Variants in NMBR observed in about 807,000 individuals in gnomAD.
NMBR encodes the protein neuromedin B receptor, also known as neuromedin-B receptor.
NMBR carries 16 observed loss-of-function variants against 20.5 expected under a neutral mutation model. The observed-to-expected ratio is 0.78, with a 90% CI of 0.53 to 1.19. The LOEUF (loss-of-function observed/expected upper bound fraction) is 1.19, where lower values mean the gene tolerates loss of function less well. NMBR is among the 50% of genes most tolerant of loss of function. The probability of loss-of-function intolerance (pLI) is 0.00; values close to 1 mark genes in which losing one functional copy is unlikely to be tolerated. For missense variants in NMBR, 582 were observed against 499.1 expected (o/e 1.17, Z -1.58); for synonymous variants, 212 against 196.6 (o/e 1.08, Z -0.65).
chr6:142,093,094 G>A (rs934154099), intron 1 of NMBR, among the ~76,000 whole-genome samples: 1 of 151,814 alleles, frequency 6.6e-6, no homozygotes, highest in Non-Finnish European at 1.5e-5. Flanking sequence ...GGATTAAAAT[G>A]GTAAAACTAG....
At chr6:142,146,825 A>C (rs936124523) in intron 1 of NMBR, among the ~76,000 whole-genome samples, 23 of 152,340 alleles carry the variant, frequency 1.5e-4, no homozygotes, top group Admixed American at 3.3e-4. Context: ...AGTTTCTAAA[A>C]TCAAAAAGGC....
chr6:142,090,943 A>G (rs899074403), intron 1 of NMBR, among the ~76,000 whole-genome samples: 1 of 152,144 alleles, frequency 6.6e-6, no homozygotes, highest in Non-Finnish European at 1.5e-5. Context: ...AGCTGGATTA[A>G]TAAATATCCA....
At chr6:142,103,353 T>G (rs1452194687) in intron 1 of NMBR, among the ~76,000 whole-genome samples, 1 of 152,172 alleles carries the variant, frequency 6.6e-6, no homozygotes, top group Non-Finnish European at 1.5e-5. Flanking sequence ...AAATTACAAT[T>G]GAATGAAATC....
At chr6:142,135,959 T>G (rs1427424481) in intron 1 of NMBR, among the ~76,000 whole-genome samples, 1 of 152,022 alleles carries the variant, frequency 6.6e-6, no homozygotes, top group African/African-American at 2.4e-5. Context: ...TAAACATACG[T>G]GTGCATGTGT....
chr6:142,121,485 G>T (rs1382104763), intron 1 of NMBR, among the ~76,000 whole-genome samples: 1 of 151,946 alleles, frequency 6.6e-6, no homozygotes, highest in African/African-American at 2.4e-5. Flanking sequence ...AATTAAAAGT[G>T]CTACTCCGAT....
chr6:142,105,129 T>G, intron 1 of NMBR, among the ~76,000 whole-genome samples: 1 of 149,244 alleles, frequency 6.7e-6, no homozygotes. Context: ...ACAAAGTACA[T>G]TATCGAAAGG....
chr6:142,109,900 G>GCC (rs1777730151), intron 1 of NMBR, among the ~76,000 whole-genome samples: 3 of 152,092 alleles, frequency 2.0e-5, no homozygotes, highest in African/African-American at 7.2e-5. Flanking sequence ...ACCATATATA[G>GCC]ATATGAGCCT....
intron 1 of NMBR, among the ~76,000 whole-genome samples, chr6:142,126,740 G>A (rs1160149277): frequency 7.7e-6 from 1 of 129,772 alleles, no homozygotes; most frequent in Non-Finnish European, 1.6e-5. Flanking sequence ...CCATTTTTGA[G>A]TCAGGTTATT....
At position 142,147,095 on chromosome 6, in the gene NMBR, C is replaced by T. The variant is rs755316544; in HGVS notation, c.-715G>A. 7 of 593,930 alleles carry T rather than the reference C, an allele frequency of 1.2e-5. No individual in the cohort carries two copies. Among genetic ancestry groups the T allele is most frequent in the Non-Finnish European group, 2.1e-5 (7 of 333,730 alleles). The allele number at this position is 593,930 out of a possible 1,614,324, so 36.8% of individuals were successfully genotyped here. ...GGCATAAGCGCCAAAATGCTCGGGT[C>T]TTCTGTGGGTTCTAACCGCCGAGAG... On this transcript the variant is annotated 5_prime_UTR_variant, in exon 1 of 4. Coordinates refer to ENST00000258042, the MANE Select transcript of NMBR (RefSeq NM_002511.4).
intron 1 of NMBR, among the ~76,000 whole-genome samples, chr6:142,096,691 C>A (rs1223719216): frequency 6.6e-6 from 1 of 152,072 alleles, no homozygotes; most frequent in Admixed American, 6.6e-5. Flanking sequence ...ATTAGGTCTG[C>A]TTGGTGCAGA....
chr6:142,109,748 G>A (rs1777726834), intron 1 of NMBR, among the ~76,000 whole-genome samples: 1 of 152,152 alleles, frequency 6.6e-6, no homozygotes, highest in East Asian at 1.9e-4. Context: ...ATTCCTAGGG[G>A]TATTGTATTA....
At chr6:142,130,715 C>A (rs1778123559) in intron 1 of NMBR, among the ~76,000 whole-genome samples, 1 of 151,980 alleles carries the variant, frequency 6.6e-6, no homozygotes, top group Non-Finnish European at 1.5e-5. Flanking sequence ...TTTTTTCTAG[C>A]AAGAAGCAGT....
At chr6:142,134,652 T>G in intron 1 of NMBR, 1 of 695,940 alleles carries the variant, frequency 1.4e-6, no homozygotes, top group Non-Finnish European at 2.6e-6. Flanking sequence ...CTATAATTTA[T>G]ATACTCTCTG....
In NMBR at chr6:142,078,598, G is replaced by A; in HGVS notation, c.728C>T (p.Ala243Val). ...ATTGTATTCTCCAGGAAGATTGTGTGCGCTTTTAATTAAGGTCTTTGCAAT... is the reference window on the plus strand; with the variant it reads ...ATTGTATTCTCCAGGAAGATTGTGTACGCTTTTAATTAAGGTCTTTGCAAT... ...YHIAKTLIKS[A>V]HNLPGEYNEH... The change falls in exon 3 of 4, where the codon GCA becomes GTA. Residue 243 changes from alanine to valine, a missense_variant. Physicochemically the swap from Ala to Val is moderately conservative, Grantham distance 64. Coordinates refer to ENST00000258042, the MANE Select transcript of NMBR (RefSeq NM_002511.4). 1.2e-6 allele frequency: 2 copies of A among 1,610,340 alleles called. No individual in the cohort carries two copies. Among genetic ancestry groups the A allele is most frequent in the Non-Finnish European group, 1.7e-6 (2 of 1,178,192 alleles).
chr6:142,135,644 C>G (rs1019363434), intron 1 of NMBR, among the ~76,000 whole-genome samples: 72 of 142,174 alleles, frequency 5.1e-4, no homozygotes, highest in Non-Finnish European at 8.9e-4. Flanking sequence ...ATCCCTCCCC[C>G]CTCGCCCCAC....
Position 142,097,265 on chromosome 6 carries a change from C to A in NMBR, c.-663-7944G>T, listed in dbSNP as rs113377599. On this transcript the variant is annotated intron_variant, in intron 1 of 3. Coordinates refer to ENST00000258042, the MANE Select transcript of NMBR (RefSeq NM_002511.4). ...GTTAGTTGATGCAGTTTCTTCCTAG[C>A]CTCGATGGTCTTTACAATTTTGCAT... is the stretch of plus-strand genomic sequence containing the variant. Among the ~76,000 whole-genome samples the A allele has an allele frequency of 6.6e-3, 1,005 of 152,196 alleles. 14 individuals are homozygous for A. The highest frequency in any genetic ancestry group is 0.023 in the African/African-American group (940 of 41,528).
intron 1 of NMBR, among the ~76,000 whole-genome samples, chr6:142,132,939 G>C (rs1229913006): frequency 6.6e-6 from 1 of 152,058 alleles, no homozygotes; most frequent in African/African-American, 2.4e-5. Context: ...CTCTGCTTTT[G>C]TTTCTTTGTT....
chr6:142,078,905 TG>T lies in NMBR; in HGVS notation c.423-3del. 3 of 1,563,448 alleles carry T rather than the reference TG, an allele frequency of 1.9e-6. No homozygotes were observed. Among genetic ancestry groups the T allele is most frequent in the Non-Finnish European group, 2.6e-6 (3 of 1,151,368 alleles). On this transcript the variant is annotated splice_region_variant and splice_polypyrimidine_tract_variant and intron_variant, in intron 2 of 3. Coordinates refer to ENST00000258042, the MANE Select transcript of NMBR (RefSeq NM_002511.4). ...ATGGGGTTAACGATGGCTCTGTACC[TG>T]GGAAAATGATACATCTCAAGTTATT... is the stretch of plus-strand genomic sequence containing the variant.
In NMBR at chr6:142,088,902, T is replaced by TAA. The variant is rs66629528; in HGVS notation, c.-246_-245dup. 84 of 312,912 alleles carry TAA rather than the reference T, an allele frequency of 2.7e-4. No individual in the cohort carries two copies. Among genetic ancestry groups the TAA allele is most frequent in the African/African-American group, 7.8e-4 (35 of 44,876 alleles). 19.4% of individuals were successfully genotyped at this position (312,912 alleles called of 1,614,324 possible). A position where few individuals can be genotyped will look rare whatever the true frequency, so the allele number is the denominator to read the frequency against. On this transcript the variant is annotated 5_prime_UTR_variant, in exon 2 of 4. Coordinates refer to ENST00000258042, the MANE Select transcript of NMBR (RefSeq NM_002511.4). Reference sequence around the variant, plus strand: ...GCTCCGGCTAACTCTGAATTTAAATTAAAAAAAAAAAAAAAGCAAAGCGGT... The same window carrying TAA: ...GCTCCGGCTAACTCTGAATTTAAATTAAAAAAAAAAAAAAAAAGCAAAGCGGT...
Sources: gnomAD v4.1 joint callset for allele counts (sites outside exome capture counted in the v4.1 genomes callset) on GRCh38, gnomAD v4.1.1 for gene constraint, MANE v1.5 for transcripts, NCBI Gene and HGNC (gene_info 2026-07-23, HGNC 2026-07-21) for gene names.